ATP2C2: variants seen among roughly 807,000 people sequenced by gnomAD.
ATP2C2 encodes ATPase secretory pathway Ca2+ transporting 2.
Under a neutral mutation model 110.8 loss-of-function variants are expected in ATP2C2, and 171 were observed. The ratio of observed to expected loss-of-function variants is 1.54; its 90% confidence interval spans 1.36 to 1.75. The LOEUF is 1.75. Ranked by LOEUF, ATP2C2 falls within the 40% of genes most tolerant of loss-of-function variation. The pLI is 0.00. For missense variants in ATP2C2, 1,963 were observed against 1,235.0 expected (o/e 1.59, Z -8.84); for synonymous variants, 804 against 508.4 (o/e 1.58, Z -7.82).
rs781390876 is a variant in ATP2C2, at chr16:84,422,712, G to A, written c.843+15G>A. 15 of 1,593,872 alleles carry A rather than the reference G, an allele frequency of 9.4e-6. No individual in the cohort carries two copies. In the African/African-American group the frequency reaches 2.0e-4, roughly 22 times the overall value. Reference sequence around the variant, plus strand: ...AGGCTGAAGAGGTAAGGGGCAGGAGGGGGCTTCGGGACTTTTGTAAGCTGG... The same window carrying A: ...AGGCTGAAGAGGTAAGGGGCAGGAGAGGGCTTCGGGACTTTTGTAAGCTGG... On this transcript the variant is annotated intron_variant, in intron 9 of 26. Coordinates refer to ENST00000262429, the MANE Select transcript of ATP2C2 (RefSeq NM_014861.4).
intron 7 of ATP2C2, among the ~76,000 whole-genome samples, chr16:84,416,366 G>A (rs1054023711): frequency 6.6e-6 from 1 of 152,192 alleles, no homozygotes; most frequent in South Asian, 2.1e-4. Context: ...GAATGTGTAA[G>A]GACTGTTCAA....
chr16:84,442,946 C>T (rs247896), intron 15 of ATP2C2, among the ~76,000 whole-genome samples: 89,636 of 151,914 alleles, frequency 0.59, 27,094 homozygotes, highest in East Asian at 0.94. Context: ...CGAGGCACCA[C>T]TGGGAGGGGC....
Position 84,463,645 on chromosome 16 carries a change from C to A in ATP2C2, c.2754C>A (p.Ser918=), listed in dbSNP as rs375028020. ...DLLFLTGLAS[S]VFILSELLKL... is the part of the protein sequence containing the mutation. Reference sequence around the variant, plus strand: ...TGTTTTTAACTGGATTGGCCTCATCCGTCTTCATTTTGTCAGAGCTCCTCA... The same window carrying A: ...TGTTTTTAACTGGATTGGCCTCATCAGTCTTCATTTTGTCAGAGCTCCTCA... Residue 918 remains serine, a synonymous_variant, in exon 27 of 27, where the codon TCC becomes TCA. Coordinates refer to ENST00000262429, the MANE Select transcript of ATP2C2 (RefSeq NM_014861.4). The A allele has an allele frequency of 1.2e-6, 2 of 1,614,178 alleles. No homozygotes were observed. The highest frequency in any genetic ancestry group is 2.2e-5 in the East Asian group (1 of 44,886).
Position 84,460,675 on chromosome 16 carries a change from C to CA in ATP2C2, c.2358dup (p.Asp787ArgfsTer44), listed in dbSNP as rs1911221503. The CA allele has an allele frequency of 6.2e-7, 1 of 1,614,234 alleles. No individual in the cohort carries two copies. The highest frequency in any genetic ancestry group is 8.5e-7 in the Non-Finnish European group (1 of 1,180,048). On this transcript the variant is annotated frameshift_variant, in exon 24 of 27. Transcript: ENST00000262429. LOFTEE classifies it high-confidence loss of function. ...GCAGCTTGGGGGTAGAGCCCGTTGA[C>CA]AAAGACGCCTTCAGGCAGCCACCAC... is the stretch of plus-strand genomic sequence containing the variant.
intron 26 of ATP2C2, chr16:84,463,072 C>G (rs1387457453): frequency 6.4e-6 from 1 of 156,024 alleles, no homozygotes; most frequent in African/African-American, 2.4e-5. Context: ...GGAAGGAAGT[C>G]GGCTTCCCAC....
chr16:84,394,006 AAAAATAAAAAAAT>A lies in ATP2C2; in HGVS notation c.100-4488_100-4476del, dbSNP rs1271174120. 1.8e-3 allele frequency among the ~76,000 whole-genome samples: 246 copies of A among 139,012 alleles called. 6 individuals are homozygous for A. The highest frequency in any genetic ancestry group is 2.5e-3 in the South Asian group (10 of 4,072). 91.2% of individuals were successfully genotyped at this position (139,012 alleles called of 152,430 possible). A position where few individuals can be genotyped will look rare whatever the true frequency, so the allele number is the denominator to read the frequency against. ...CCTTGTCTCAATTAAAAATACCAAA[AAAAATAAAAAAAT>A]AAAAAATAAAAAGGCCTGGTGTGAT... On this transcript the variant is annotated intron_variant, in intron 1 of 26. Coordinates refer to ENST00000262429, the MANE Select transcript of ATP2C2 (RefSeq NM_014861.4).
intron 10 of ATP2C2, 130 bp downstream of exon 10, chr16:84,423,393 G>T (rs1907531374): frequency 4.9e-6 from 4 of 820,220 alleles, no homozygotes; most frequent in Non-Finnish European, 7.9e-6. Flanking sequence ...GGGATCAGAG[G>T]CTCTCCACAA....
At chr16:84,442,301 G>A (rs1163960271) in intron 14 of ATP2C2, among the ~76,000 whole-genome samples, 1 of 152,090 alleles carries the variant, frequency 6.6e-6, no homozygotes, top group East Asian at 1.9e-4. Flanking sequence ...TCCCTGCTGG[G>A]TTCCCTCATG....
intron 1 of ATP2C2, among the ~76,000 whole-genome samples, chr16:84,372,930 G>T (rs908515516): frequency 6.6e-6 from 1 of 151,278 alleles, no homozygotes; most frequent in Admixed American, 6.6e-5. Context: ...AGACCAACCT[G>T]GCCAATATGG....
At chr16:84,398,725 C>A in intron 2 of ATP2C2, 116 bp downstream of exon 2, 2 of 813,084 alleles carry the variant, frequency 2.5e-6, no homozygotes, top group South Asian at 2.0e-5. Context: ...ATTTTATCAT[C>A]AAGGTTGGAA....
intron 11 of ATP2C2, among the ~76,000 whole-genome samples, chr16:84,431,764 G>A (rs970000031): frequency 6.6e-6 from 1 of 152,170 alleles, no homozygotes; most frequent in African/African-American, 2.4e-5. Flanking sequence ...CATCATCAGA[G>A]CCTTTCCCAA....
In ATP2C2 at chr16:84,404,641, A is replaced by G. The variant is rs1004664803; in HGVS notation, c.211-487A>G. ...TGTTTCCTCCTTTTTGCTTTTGTGA[A>G]CAGTGCTACGAACATGGTTGTACAA... is the stretch of plus-strand genomic sequence containing the variant. On this transcript the variant is annotated intron_variant, in intron 2 of 26. Transcript: ENST00000262429. The G allele has an allele frequency of 8.9e-5, 24 of 271,036 alleles. No homozygotes were observed. In the East Asian group the frequency reaches 2.2e-3, roughly 25 times the overall value. The allele number at this position is 271,036 out of a possible 1,614,324, so 16.8% of individuals were successfully genotyped here. A position where few individuals can be genotyped will look rare whatever the true frequency, so the allele number is the denominator to read the frequency against.
chr16:84,402,298 T>G (rs1905377224), intron 2 of ATP2C2, among the ~76,000 whole-genome samples: 1 of 152,238 alleles, frequency 6.6e-6, no homozygotes, highest in South Asian at 2.1e-4. Context: ...CTTTCCAATT[T>G]GGATGCCCTT....
chr16:84,454,838 G>A lies in ATP2C2; in HGVS notation c.2001G>A (p.Ala667=), dbSNP rs142596443. The A allele has an allele frequency of 2.3e-3, 3,755 of 1,610,788 alleles. 43 individuals are homozygous for A. Among genetic ancestry groups the A allele is most frequent in the Admixed American group, 0.022 (1,316 of 59,154 alleles). ...CAAAGGCTCTGCAGGAGTCAGGGGC[G>A]ATCGTGGCCATGACTGGGGATGGGG... is the stretch of plus-strand genomic sequence containing the variant. The part of the protein sequence containing the change: ...KIIKALQESG[A]IVAMTGDGVN... The change falls in exon 21 of 27, where the codon GCG becomes GCA. Residue 667 remains alanine, a synonymous_variant. Coordinates refer to ENST00000262429, the MANE Select transcript of ATP2C2 (RefSeq NM_014861.4).
rs747625551 is a variant in ATP2C2, at chr16:84,422,460, C to T, written c.695C>T (p.Pro232Leu). 1.2e-6 allele frequency: 2 copies of T among 1,614,104 alleles called. No individual in the cohort carries two copies. Among genetic ancestry groups the T allele is most frequent in the East Asian group, 4.5e-5 (2 of 44,868 alleles). ...EAEPCSKTDS[P>L]LTGGGDLTTL... ...GAGCCATGTAGTAAAACAGACAGCC[C>T]CTTGACAGGCGGTGGGGACCTCACC... is the stretch of plus-strand genomic sequence containing the variant. Residue 232 changes from proline (P) to leucine (L), a missense_variant, in exon 8 of 27, where the codon CCC becomes CTC. Pro to Leu is a moderately conservative substitution (Grantham distance 98). Coordinates refer to ENST00000262429, the MANE Select transcript of ATP2C2 (RefSeq NM_014861.4).
chr16:84,430,713 C>T (rs1908200529), intron 11 of ATP2C2, among the ~76,000 whole-genome samples: 1 of 151,222 alleles, frequency 6.6e-6, no homozygotes, highest in Admixed American at 6.6e-5. Flanking sequence ...TCTTTTGGTG[C>T]TGGAGAAGGA....
chr16:84,422,862 G>A (rs1004506432), intron 9 of ATP2C2, among the ~76,000 whole-genome samples, 165 bp downstream of exon 9: 5 of 151,392 alleles, frequency 3.3e-5, no homozygotes, highest in African/African-American at 7.3e-5. Flanking sequence ...ACAGGGTTTC[G>A]CCATGTTGCC....
At chr16:84,373,456 C>T (rs376153704) in intron 1 of ATP2C2, among the ~76,000 whole-genome samples, 12 of 152,114 alleles carry the variant, frequency 7.9e-5, no homozygotes, top group South Asian at 4.1e-4. Flanking sequence ...GCCAAGATTG[C>T]GCCACTACAC....
Position 84,409,510 on chromosome 16 carries a change from AT to A in ATP2C2, c.417+1025del, listed in dbSNP as rs1002497821. ...TTTGTATCTGGCTTCTCCTGAGCAC[AT>A]TTTTTTTTCTTTTTTTGAGACAGAG... On this transcript the variant is annotated intron_variant, in intron 4 of 26. Coordinates refer to ENST00000262429, the MANE Select transcript of ATP2C2 (RefSeq NM_014861.4). 5.3e-5 allele frequency among the ~76,000 whole-genome samples: 8 copies of A among 151,110 alleles called. No individual in the cohort carries two copies. In the South Asian group the frequency reaches 6.3e-4, roughly 12 times the overall value.
Sources: gnomAD v4.1 joint callset for allele counts (sites outside exome capture counted in the v4.1 genomes callset) on GRCh38, gnomAD v4.1.1 for gene constraint, MANE v1.5 for transcripts, NCBI Gene and HGNC (gene_info 2026-07-23, HGNC 2026-07-21) for gene names.